Variants in BLZF1 observed in about 807,000 individuals in gnomAD.
BLZF1 encodes the protein basic leucine zipper nuclear factor 1, also known as golgin-45.
In BLZF1, 39 loss-of-function variants were observed where a neutral mutation model predicts 43.8. The ratio of observed to expected loss-of-function variants is 0.89; its 90% CI spans 0.69 to 1.16. BLZF1 has a LOEUF of 1.16. BLZF1 is among the 50% of genes most tolerant of loss of function. BLZF1 has a pLI of 0.00. For synonymous variants in BLZF1, 136 were observed against 159.4 expected (o/e 0.85, Z 1.11); for missense variants, 449 against 469.8 (o/e 0.96, Z 0.41).
At chr1:169,375,083 C>T (rs1032297923) in intron 2 of BLZF1, among the ~76,000 whole-genome samples, 2 of 151,596 alleles carry the variant, frequency 1.3e-5, no homozygotes, top group African/African-American at 4.8e-5. Flanking sequence ...GAAAAAATAA[C>T]TCAGAAGTTA....
chr1:169,377,156 T>C (rs1376727440), intron 3 of BLZF1, 177 bp downstream of exon 3: 1 of 626,128 alleles, frequency 1.6e-6, no homozygotes, highest in African/African-American at 1.9e-5. Flanking sequence ...GGATACTTTA[T>C]ATTGGGAACT....
chr1:169,377,170 A>T (rs1654385658), intron 3 of BLZF1, 191 bp downstream of exon 3: 1 of 570,002 alleles, frequency 1.8e-6, no homozygotes, highest in Non-Finnish European at 3.1e-6. Flanking sequence ...GGGAACTTAT[A>T]CTCTAAACCT....
chr1:169,383,424 A>G (rs1654582089), intron 6 of BLZF1, among the ~76,000 whole-genome samples: 1 of 152,172 alleles, frequency 6.6e-6, no homozygotes, highest in African/African-American at 2.4e-5. Context: ...TAAAAAAGAA[A>G]AATCTTCCCT....
chr1:169,391,589 C>T (rs1361360899), downstream of BLZF1, among the ~76,000 whole-genome samples: 3 of 152,122 alleles, frequency 2.0e-5, no homozygotes, highest in Non-Finnish European at 2.9e-5. Flanking sequence ...AGGGAGAAGG[C>T]CTGGAAATTA....
chr1:169,378,028 A>G (rs557044835), intron 3 of BLZF1, among the ~76,000 whole-genome samples: 7 of 151,648 alleles, frequency 4.6e-5, no homozygotes, highest in Non-Finnish European at 1.0e-4. Context: ...TTTTGTTTTA[A>G]TTTTTTTTCC....
chr1:169,392,856 C>T (rs1348232374), downstream of BLZF1, among the ~76,000 whole-genome samples: 1 of 152,170 alleles, frequency 6.6e-6, no homozygotes. Flanking sequence ...TGAACATGTG[C>T]AGGTACCGAG....
At chr1:169,384,454 T>C (rs16862118) in intron 6 of BLZF1, among the ~76,000 whole-genome samples, 18,285 of 152,116 alleles carry the variant, frequency 0.12, 1,151 homozygotes, top group Admixed American at 0.14. Context: ...AAATCAGTCA[T>C]CAAACAGTTC....
downstream of BLZF1, among the ~76,000 whole-genome samples, chr1:169,389,844 CA>C (rs199663778): frequency 0.014 from 2,171 of 152,188 alleles, 47 homozygotes; most frequent in African/African-American, 0.047. Flanking sequence ...AAGTCAGACA[CA>C]AAAAGTCAAA....
At chr1:169,378,228 G>T in intron 3 of BLZF1, 102 bp from the exon 4 acceptor site, 1 of 1,136,968 alleles carries the variant, frequency 8.8e-7, no homozygotes. Context: ...AGTCACGGAG[G>T]TCCAAAATTA....
At chr1:169,371,965 A>G (rs1022296609) in intron 2 of BLZF1, among the ~76,000 whole-genome samples, 1 of 152,188 alleles carries the variant, frequency 6.6e-6, no homozygotes, top group Non-Finnish European at 1.5e-5. Context: ...AGGCTATACT[A>G]TGGGACCTCT....
chr1:169,394,137 G>A (rs1313879538), intron 7 of BLZF1, among the ~76,000 whole-genome samples: 1 of 152,140 alleles, frequency 6.6e-6, no homozygotes, highest in East Asian at 1.9e-4. Flanking sequence ...ATCAGTCTAT[G>A]TGAACAAAAT....
At chr1:169,375,764 T>A (rs1654298165) in intron 2 of BLZF1, among the ~76,000 whole-genome samples, 1 of 151,452 alleles carries the variant, frequency 6.6e-6, no homozygotes, top group Admixed American at 6.6e-5. Flanking sequence ...GTCCCTCCCC[T>A]TGTTATCATT....
rs375426049 is a variant in BLZF1 at position 169,378,532 on chromosome 1, A to G, written c.668+3A>G. On this transcript the variant is annotated splice_donor_region_variant and intron_variant, in intron 4 of 6. Transcript: ENST00000367808. ...CGAAGTAAATTCCTTGCAAGCAGGT[A>G]TTTTCTACAGCAAATAGTATTTCAC... 6.8e-6 allele frequency: 11 copies of G among 1,611,214 alleles called. No individual in the cohort carries two copies. Among genetic ancestry groups the G allele is most frequent in the Non-Finnish European group, 9.3e-6 (11 of 1,178,042 alleles).
At position 169,395,156 on chromosome 1, in the gene BLZF1, C is replaced by T. The variant is rs1654942671; in HGVS notation, c.*28-738C>T. ...TAGTCGGAGCTGTCTAGTTCTCTCTCTGACAGCTTGTTGCTCTGCCATTTT... is the reference window on the plus strand; with the variant it reads ...TAGTCGGAGCTGTCTAGTTCTCTCTTTGACAGCTTGTTGCTCTGCCATTTT... On this transcript the variant is annotated intron_variant, in intron 7 of 7. Coordinates refer to the BLZF1 transcript ENST00000329281. 3 of 1,613,364 alleles carry T rather than the reference C, an allele frequency of 1.9e-6. No individual in the cohort carries two copies. The African/African-American group carries it at 4.0e-5, about 22-fold the overall frequency.
At chr1:169,375,847 A>G (rs1654324465) in intron 2 of BLZF1, among the ~76,000 whole-genome samples, 1 of 151,934 alleles carries the variant, frequency 6.6e-6, no homozygotes, top group Non-Finnish European at 1.5e-5. Context: ...TTTTATTGGG[A>G]ATACAGTGCA....
At chr1:169,371,929 A>G (rs750774983) in intron 2 of BLZF1, among the ~76,000 whole-genome samples, 1 of 152,202 alleles carries the variant, frequency 6.6e-6, no homozygotes, top group Admixed American at 6.5e-5. Context: ...GAGCAGATAA[A>G]TTTGATAAAT....
chr1:169,380,598 A>G lies in BLZF1; in HGVS notation c.786A>G (p.Ile262Met), dbSNP rs139538765. ...GGGAACAGTTTCGTCAAGAAATGAT[A>G]GCTACCCAGAAGTATGGCACTTGTT... Reference protein sequence around the residue: ...SEREQFRQEMIATQKLLEELL... With the variant: ...SEREQFRQEMMATQKLLEELL... The change falls in exon 5 of 7, where the codon ATA becomes ATG. Residue 262 changes from isoleucine (I) to methionine (M), a missense_variant. Coordinates refer to ENST00000367808, the MANE Select transcript of BLZF1 (RefSeq NM_001320973.2). 1.7e-5 allele frequency: 27 copies of G among 1,612,712 alleles called. No individual in the cohort carries two copies. The highest frequency in any genetic ancestry group is 2.3e-5 in the Non-Finnish European group (27 of 1,178,962).
downstream of BLZF1, chr1:169,388,342 T>C: frequency 6.6e-6 from 1 of 152,184 alleles, no homozygotes; most frequent in Non-Finnish European, 1.5e-5. Flanking sequence ...AATTAGTGCT[T>C]TGGTTTAGGT....
At chr1:169,385,637 C>T (rs546201005) in intron 6 of BLZF1, among the ~76,000 whole-genome samples, 2 of 152,332 alleles carry the variant, frequency 1.3e-5, no homozygotes, top group East Asian at 3.9e-4. Flanking sequence ...AGCCCTTCAT[C>T]TTTGCTTATC....
Sources: allele counts gnomAD v4.1 joint callset (sites outside exome capture counted in the v4.1 genomes callset), GRCh38; gene constraint gnomAD v4.1.1; transcripts MANE v1.5; gene names NCBI Gene and HGNC (gene_info 2026-07-23, HGNC 2026-07-21).